SDHC: variants seen among roughly 807,000 people sequenced by gnomAD.
SDHC encodes the protein succinate dehydrogenase cytochrome b560 subunit, mitochondrial.
In SDHC, 11 loss-of-function variants were observed where a neutral mutation model predicts 22.6. The ratio of observed to expected loss-of-function variants is 0.49; its 90% confidence interval spans 0.31 to 0.81. SDHC has a LOEUF of 0.81. SDHC is among the 30% of genes least tolerant of loss of function. The pLI, the probability that SDHC is intolerant of heterozygous loss-of-function variation, is 0.05. For missense variants in SDHC, 160 were observed against 212.0 expected (o/e 0.75, Z 1.52); for synonymous variants, 80 against 77.8 (o/e 1.03, Z -0.15).
intron 1 of SDHC, among the ~76,000 whole-genome samples, chr1:161,315,423 C>T (rs1209728824): frequency 6.6e-6 from 1 of 152,194 alleles, no homozygotes; most frequent in Non-Finnish European, 1.5e-5. Flanking sequence ...TGTTTTTCAT[C>T]TCCATATGTA....
At chr1:161,354,399 A>T (rs982852871) in intron 4 of SDHC, among the ~76,000 whole-genome samples, 1 of 152,158 alleles carries the variant, frequency 6.6e-6, no homozygotes. Context: ...GATGTTAAGT[A>T]TCACTGTGTT....
At position 161,362,558 on chromosome 1, in the gene SDHC, G is replaced by C. The variant is rs777821442; in HGVS notation, c.*125G>C. 1 of 1,608,158 alleles carries C rather than the reference G, an allele frequency of 6.2e-7. No homozygotes were observed. On this transcript the variant is annotated 3_prime_UTR_variant, in exon 6 of 6. Coordinates refer to ENST00000367975, the MANE Select transcript of SDHC (RefSeq NM_003001.5). The stretch of plus-strand genomic sequence containing the variant: ...TTGTTTAGATCCTTTTGTATTTTCA[G>C]ATCTCCTTGGAGCAGTAGAGTACCT...
At chr1:161,328,563 T>A (rs1393647825) in intron 3 of SDHC, 66 bp downstream of exon 3, 43 of 1,143,104 alleles carry the variant, frequency 3.8e-5, no homozygotes, top group Non-Finnish European at 5.6e-5. Flanking sequence ...GGTTGATCTT[T>A]AGCCTACTTG....
At chr1:161,329,209 ACTT>A (rs1671183947) in intron 3 of SDHC, among the ~76,000 whole-genome samples, 1 of 151,600 alleles carries the variant, frequency 6.6e-6, no homozygotes, top group South Asian at 2.1e-4. Context: ...CCCGGCCACA[ACTT>A]CTTAAATTAT....
intron 3 of SDHC, among the ~76,000 whole-genome samples, chr1:161,332,790 C>G (rs1671328305): frequency 6.6e-6 from 1 of 152,038 alleles, no homozygotes; most frequent in African/African-American, 2.4e-5. Flanking sequence ...CATCACCATG[C>G]CTGACTAATT....
At chr1:161,332,389 G>T (rs114884251) in intron 3 of SDHC, among the ~76,000 whole-genome samples, 3,010 of 152,156 alleles carry the variant, frequency 0.02, 79 homozygotes, top group African/African-American at 0.065. Context: ...CCACATTATC[G>T]TGGGACATAA....
chr1:161,329,271 A>G (rs888737495), intron 3 of SDHC, among the ~76,000 whole-genome samples: 16 of 152,142 alleles, frequency 1.1e-4, no homozygotes, highest in African/African-American at 3.9e-4. Context: ...TGTCTGAATG[A>G]TACAAGAAGA....
At chr1:161,348,500 C>G (rs562266566) in intron 4 of SDHC, among the ~76,000 whole-genome samples, 1 of 151,396 alleles carries the variant, frequency 6.6e-6, no homozygotes, top group South Asian at 2.1e-4. Context: ...TAATAGCACT[C>G]TTATATTGCT....
At position 161,318,894 on chromosome 1, in the gene SDHC, C is replaced by T. The variant is rs375982753; in HGVS notation, c.20+4469C>T. Among the ~76,000 whole-genome samples the T allele has an allele frequency of 2.1e-4, 32 of 152,054 alleles. No homozygotes were observed. The South Asian group carries it at 2.5e-3, about 12-fold the overall frequency. ...ACTAAAAATACAAAAATTTGCTGGG[C>T]GTGGTTGTGGGTGCCTGTGGGTGCT... On this transcript the variant is annotated intron_variant, in intron 1 of 5. Transcript: ENST00000367975.
chr1:161,338,303 TCTTA>T (rs946022624), intron 3 of SDHC, among the ~76,000 whole-genome samples: 13 of 152,350 alleles, frequency 8.5e-5, no homozygotes, highest in African/African-American at 2.9e-4. Flanking sequence ...AATACTCCTT[TCTTA>T]CTTACTATGA....
rs976143421 is a variant in SDHC, at chr1:161,340,801, T to C, written c.241+146T>C. The C allele has an allele frequency of 8.4e-6, 6 of 710,772 alleles. No individual in the cohort carries two copies. The African/African-American group carries it at 1.1e-4, about 13-fold the overall frequency. The allele number at this position is 710,772 out of a possible 1,614,324, so 44.0% of individuals were successfully genotyped here. A position where few individuals can be genotyped will look rare whatever the true frequency, so the allele number is the denominator to read the frequency against. Reference sequence around the variant, plus strand: ...CTTAAGTTTATTGTTCATTCATCCCTTTAACAATTAATTATGAGTTTGCAC... The same window carrying C: ...CTTAAGTTTATTGTTCATTCATCCCCTTAACAATTAATTATGAGTTTGCAC... On this transcript the variant is annotated intron_variant, in intron 4 of 5. Transcript: ENST00000367975.
intron 1 of SDHC, among the ~76,000 whole-genome samples, chr1:161,318,325 T>C (rs1190731186): frequency 6.6e-6 from 1 of 152,218 alleles, no homozygotes; most frequent in East Asian, 1.9e-4. Flanking sequence ...AATTATTAGT[T>C]ATCAGAGTAT....
At position 161,323,602 on chromosome 1, in the gene SDHC, C is replaced by CT. The variant is rs759481419; in HGVS notation, c.21-10dup. ...TAAATGTGTATTGATTTTTGATTCT[C>CT]TTATCTTGCAGACACGTTGGTCGTC... On this transcript the variant is annotated splice_polypyrimidine_tract_variant and intron_variant, in intron 1 of 5. Transcript: ENST00000367975. 6.0e-5 allele frequency: 97 copies of CT among 1,611,226 alleles called. No homozygotes were observed. The highest frequency in any genetic ancestry group is 7.7e-5 in the Non-Finnish European group (91 of 1,177,566).
At chr1:161,333,345 C>T (rs573624306) in intron 3 of SDHC, among the ~76,000 whole-genome samples, 2 of 149,852 alleles carry the variant, frequency 1.3e-5, no homozygotes, top group Non-Finnish European at 3.0e-5. Context: ...TTTCATTTCT[C>T]TTGGGTATAT....
intron 4 of SDHC, among the ~76,000 whole-genome samples, chr1:161,350,650 TTAAG>T (rs199967748): frequency 0.012 from 1,773 of 152,316 alleles, 18 homozygotes; most frequent in Non-Finnish European, 0.015. Context: ...GTGATTGAAA[TTAAG>T]TAAGGCAATA....
chr1:161,325,085 A>G (rs1357092020), intron 2 of SDHC, among the ~76,000 whole-genome samples: 12 of 151,606 alleles, frequency 7.9e-5, no homozygotes, highest in Non-Finnish European at 1.5e-5. Context: ...GTGTGTGCCT[A>G]TAGTCCCAGC....
rs192525661 is a variant in SDHC, at chr1:161,325,276, G to A, written c.77+1606G>A. 8.6e-5 allele frequency among the ~76,000 whole-genome samples: 13 copies of A among 150,976 alleles called. 1 individual carries two copies. In the East Asian group the frequency reaches 2.0e-3, roughly 23 times the overall value. On this transcript the variant is annotated intron_variant, in intron 2 of 5. Transcript: ENST00000367975. Reference sequence around the variant, plus strand: ...TAATTCCAGCACTTTGGGAACCTGAGGCAGGAGGATCCCTTGAGCCCAGGA... The same window carrying A: ...TAATTCCAGCACTTTGGGAACCTGAAGCAGGAGGATCCCTTGAGCCCAGGA...
At chr1:161,316,370 C>G (rs926859875) in intron 1 of SDHC, among the ~76,000 whole-genome samples, 2 of 152,234 alleles carry the variant, frequency 1.3e-5, no homozygotes, top group African/African-American at 4.8e-5. Context: ...TTTTGTGTCC[C>G]TGGGTACTTG....
intron 4 of SDHC, among the ~76,000 whole-genome samples, chr1:161,347,972 GC>G (rs1671959056): frequency 6.6e-6 from 1 of 152,160 alleles, no homozygotes; most frequent in Non-Finnish European, 1.5e-5. Flanking sequence ...ACCATGAAAA[GC>G]CATTAAAAGT....
Sources: allele counts gnomAD v4.1 joint callset (sites outside exome capture counted in the v4.1 genomes callset), GRCh38; gene constraint gnomAD v4.1.1; transcripts MANE v1.5; gene names NCBI Gene and HGNC (gene_info 2026-07-23, HGNC 2026-07-21).